Variants in TMEM267 observed in about 807,000 individuals in gnomAD.
TMEM267 encodes transmembrane protein C5orf28.
In TMEM267, 20 loss-of-function variants were observed where a neutral mutation model predicts 19.3. The ratio of observed to expected loss-of-function variants is 1.04; its 90% CI spans 0.73 to 1.51. The LOEUF (loss-of-function observed/expected upper bound fraction) is 1.51. Ranked by LOEUF, TMEM267 falls within the 40% of genes most tolerant of loss-of-function variation. The pLI, the probability that TMEM267 is intolerant of heterozygous loss-of-function variation, is 0.00. For synonymous variants in TMEM267, 88 were observed against 90.3 expected (o/e 0.97, Z 0.15); for missense variants, 242 against 261.9 (o/e 0.92, Z 0.52).
At chr5:43,466,072 T>C (rs1178410501) in intron 1 of TMEM267, among the ~76,000 whole-genome samples, 2 of 151,928 alleles carry the variant, frequency 1.3e-5, no homozygotes, top group East Asian at 1.9e-4. Flanking sequence ...GAGGAAGAGA[T>C]AGGGGTAGAA....
chr5:43,483,351 A>T (rs1744910987), intron 1 of TMEM267, among the ~76,000 whole-genome samples: 3 of 152,156 alleles, frequency 2.0e-5, no homozygotes, highest in Admixed American at 6.5e-5. Context: ...AATGTCATTT[A>T]AAAAAATGGG....
At chr5:43,464,032 A>G (rs1184615617) in intron 1 of TMEM267, among the ~76,000 whole-genome samples, 1 of 152,218 alleles carries the variant, frequency 6.6e-6, no homozygotes, top group Non-Finnish European at 1.5e-5. Flanking sequence ...TTTGCAGATG[A>G]CATGATTGTA....
intron 1 of TMEM267, among the ~76,000 whole-genome samples, chr5:43,478,854 T>C (rs1247033122): frequency 6.6e-6 from 1 of 152,144 alleles, no homozygotes; most frequent in East Asian, 1.9e-4. Flanking sequence ...TTACTAATAC[T>C]CTGTGATAGT....
chr5:43,480,028 C>T (rs759326456), intron 1 of TMEM267: 16 of 291,678 alleles, frequency 5.5e-5, no homozygotes, highest in Non-Finnish European at 9.2e-5. Flanking sequence ...ATATTTAATG[C>T]ATATAACTTT....
chr5:43,449,228 C>G (rs576222497), intron 2 of TMEM267, among the ~76,000 whole-genome samples: 5 of 152,084 alleles, frequency 3.3e-5, no homozygotes, highest in African/African-American at 9.6e-5. Flanking sequence ...GCTGAGATCA[C>G]ACCACTGCAC....
At chr5:43,457,570 G>A (rs879028873) in intron 1 of TMEM267, among the ~76,000 whole-genome samples, 7 of 152,238 alleles carry the variant, frequency 4.6e-5, no homozygotes, top group East Asian at 3.9e-4. Context: ...GCCAGATCTC[G>A]TGAGAACGAA....
intron 1 of TMEM267, among the ~76,000 whole-genome samples, chr5:43,470,200 T>C (rs527375465): frequency 8.1e-4 from 124 of 152,316 alleles, no homozygotes; most frequent in African/African-American, 2.8e-3. Flanking sequence ...TGGAGTGCAG[T>C]GGTGCAATCT....
chr5:43,450,897 T>A (rs1180093385), intron 2 of TMEM267, among the ~76,000 whole-genome samples: 1 of 152,132 alleles, frequency 6.6e-6, no homozygotes, highest in Non-Finnish European at 1.5e-5. Flanking sequence ...TGCAATAGTG[T>A]GATCTTGGCT....
Position 43,453,670 on chromosome 5 carries a change from G to A in TMEM267, c.300C>T (p.Ser100=). 1.2e-6 allele frequency: 2 copies of A among 1,613,310 alleles called. No homozygotes were observed. Among genetic ancestry groups the A allele is most frequent in the South Asian group, 1.1e-5 (1 of 90,928 alleles). The change falls in exon 2 of 3, where the codon TCC becomes TCT. Residue 100 remains serine, a synonymous_variant. Transcript: ENST00000397080. The part of the protein sequence containing the change: ...IDVDHFFLAG[S]MSLKAALTLP... The stretch of plus-strand genomic sequence containing the variant: ...CTATGCTTTTTACCTTTAAAGACAT[G>A]GATCCAGCTAGAAAAAAGTGGTCTA...
intron 1 of TMEM267, among the ~76,000 whole-genome samples, chr5:43,458,506 T>C (rs1743080411): frequency 2.0e-5 from 3 of 152,206 alleles, no homozygotes. Context: ...CATGGTTTCC[T>C]GAAGACAGTA....
intron 1 of TMEM267, among the ~76,000 whole-genome samples, chr5:43,455,613 T>A (rs1742900451): frequency 6.6e-6 from 1 of 152,174 alleles, no homozygotes; most frequent in African/African-American, 2.4e-5. Flanking sequence ...AGTGGTGTGA[T>A]CTTGGCTCGC....
At chr5:43,479,508 G>A (rs961969092) in intron 1 of TMEM267, among the ~76,000 whole-genome samples, 3 of 151,620 alleles carry the variant, frequency 2.0e-5, no homozygotes, top group Non-Finnish European at 4.4e-5. Flanking sequence ...TAATAAAAAA[G>A]GTATAACATT....
intron 1 of TMEM267, among the ~76,000 whole-genome samples, chr5:43,459,346 G>T (rs1426655390): frequency 6.6e-6 from 1 of 152,050 alleles, no homozygotes; most frequent in East Asian, 1.9e-4. Context: ...CCCCCACTCT[G>T]CAAAAAGCAA....
intron 2 of TMEM267, 60 bp from the exon 3 acceptor site, chr5:43,446,617 A>G: frequency 5.0e-6 from 5 of 1,004,726 alleles, no homozygotes; most frequent in Admixed American, 2.6e-5. Flanking sequence ...AATTTTATAC[A>G]TGCTTCTTAA....
At chr5:43,452,144 G>A (rs1246083608) in intron 2 of TMEM267, among the ~76,000 whole-genome samples, 1 of 150,540 alleles carries the variant, frequency 6.6e-6, no homozygotes, top group Non-Finnish European at 1.5e-5. Flanking sequence ...ACCTGCACTT[G>A]TATGATTATG....
chr5:43,468,451 T>G (rs1743879195), intron 1 of TMEM267, among the ~76,000 whole-genome samples: 1 of 152,056 alleles, frequency 6.6e-6, no homozygotes, highest in South Asian at 2.1e-4. Flanking sequence ...GAGAGTCCAT[T>G]CAGGTGGAAA....
At chr5:43,481,559 A>C (rs1251868310) in intron 1 of TMEM267, among the ~76,000 whole-genome samples, 1 of 152,220 alleles carries the variant, frequency 6.6e-6, no homozygotes, top group African/African-American at 2.4e-5. Flanking sequence ...TACTGTTTAC[A>C]AAAAACTGTA....
intron 1 of TMEM267, among the ~76,000 whole-genome samples, chr5:43,461,292 A>G (rs1046815212): frequency 1.3e-5 from 2 of 152,190 alleles, no homozygotes; most frequent in African/African-American, 4.8e-5. Flanking sequence ...ATACACAGGT[A>G]CTACATCAAG....
At chr5:43,463,514 G>C (rs1024618626) in intron 1 of TMEM267, among the ~76,000 whole-genome samples, 1 of 152,110 alleles carries the variant, frequency 6.6e-6, no homozygotes, top group Non-Finnish European at 1.5e-5. Flanking sequence ...CAATATCCTT[G>C]ATGAACATTG....
Sources: allele counts gnomAD v4.1 joint callset (sites outside exome capture counted in the v4.1 genomes callset), GRCh38; gene constraint gnomAD v4.1.1; transcripts MANE v1.5; gene names NCBI Gene and HGNC (gene_info 2026-07-23, HGNC 2026-07-21).